SCARA5: variants seen among roughly 807,000 people sequenced by gnomAD.
SCARA5 encodes the protein scavenger receptor class A member 5.
A neutral mutation model predicts 46.3 loss-of-function variants in SCARA5; 45 were observed. That is an observed-to-expected ratio of 0.97 (90% CI 0.76 to 1.24). The LOEUF (loss-of-function observed/expected upper bound fraction) is 1.24. Ranked by LOEUF, SCARA5 falls within the 50% of genes most tolerant of loss-of-function variation. The probability of loss-of-function intolerance (pLI) is 0.00; values close to 1 mark genes in which losing one functional copy is unlikely to be tolerated. For synonymous variants in SCARA5, 333 were observed against 306.5 expected, an observed-to-expected ratio of 1.09 and a Z score of -0.90; for missense variants, 680 against 689.0, an observed-to-expected ratio of 0.99 and a Z score of 0.15.
At chr8:27,872,320 G>A (rs552529726) in intron 8 of SCARA5, among the ~76,000 whole-genome samples, 8 of 152,252 alleles carry the variant, frequency 5.3e-5, no homozygotes, top group African/African-American at 1.7e-4. Context: ...GTCAGAAGCC[G>A]GACAACCTCT....
At chr8:27,911,275 GT>G (rs1807369868) in intron 4 of SCARA5, among the ~76,000 whole-genome samples, 1 of 152,162 alleles carries the variant, frequency 6.6e-6, no homozygotes, top group African/African-American at 2.4e-5. Context: ...CATAGTGACT[GT>G]GTCCCATCTT....
intron 3 of SCARA5, among the ~76,000 whole-genome samples, chr8:27,957,460 T>C (rs1177293604): frequency 2.0e-5 from 3 of 152,218 alleles, no homozygotes; most frequent in Non-Finnish European, 4.4e-5. Context: ...TGCTCTGCTA[T>C]ACAGATGAGG....
intron 8 of SCARA5, among the ~76,000 whole-genome samples, chr8:27,875,867 A>T (rs1276112852): frequency 1.3e-5 from 2 of 152,204 alleles, no homozygotes; most frequent in Non-Finnish European, 2.9e-5. Context: ...TTGGCATAGT[A>T]GCATGTGCCT....
intron 3 of SCARA5, among the ~76,000 whole-genome samples, chr8:27,926,198 A>G (rs1807676874): frequency 6.6e-6 from 1 of 152,226 alleles, no homozygotes. Flanking sequence ...GAACCAAGCC[A>G]AATGTCCATC....
At chr8:27,959,923 T>C (rs918608878) in intron 3 of SCARA5, among the ~76,000 whole-genome samples, 16 of 152,228 alleles carry the variant, frequency 1.1e-4, no homozygotes, top group Non-Finnish European at 1.8e-4. Context: ...AATGCTGTTC[T>C]GTTCCTGTTT....
chr8:27,908,713 C>T (rs1239567416), intron 5 of SCARA5, among the ~76,000 whole-genome samples: 1 of 152,106 alleles, frequency 6.6e-6, no homozygotes, highest in Non-Finnish European at 1.5e-5. Context: ...AGCTGTGCCC[C>T]AGGCTCCCCA....
intron 3 of SCARA5, among the ~76,000 whole-genome samples, chr8:27,951,614 G>A (rs551651669): frequency 1.3e-5 from 2 of 152,316 alleles, no homozygotes; most frequent in East Asian, 1.9e-4. Flanking sequence ...GTCCTGCACG[G>A]TGCCATCAGC....
chr8:27,905,254 C>T (rs1212871056), intron 6 of SCARA5, among the ~76,000 whole-genome samples: 1 of 151,900 alleles, frequency 6.6e-6, no homozygotes, highest in Non-Finnish European at 1.5e-5. Context: ...GTGGGAGAGA[C>T]CATAAAACAT....
At chr8:27,898,099 C>T (rs1346708152) in intron 7 of SCARA5, among the ~76,000 whole-genome samples, 1 of 152,254 alleles carries the variant, frequency 6.6e-6, no homozygotes, top group Non-Finnish European at 1.5e-5. Flanking sequence ...CTGTCCCTGA[C>T]TCGCAGGCGC....
At chr8:27,959,576 CG>C (rs1261576146) in intron 3 of SCARA5, among the ~76,000 whole-genome samples, 2 of 152,118 alleles carry the variant, frequency 1.3e-5, no homozygotes, top group East Asian at 3.8e-4. Flanking sequence ...GTGTGAAGAC[CG>C]GGGCCCAAAG....
At chr8:27,933,044 T>C (rs1807801766) in intron 3 of SCARA5, among the ~76,000 whole-genome samples, 1 of 152,150 alleles carries the variant, frequency 6.6e-6, no homozygotes. Context: ...ACAGTCACAT[T>C]GGGGGTTAGG....
intron 3 of SCARA5, among the ~76,000 whole-genome samples, chr8:27,955,892 T>TG (rs1321895309): frequency 2.0e-5 from 3 of 152,014 alleles, no homozygotes; most frequent in African/African-American, 7.3e-5. Context: ...TGCATGAACA[T>TG]GGGGGGCAGG....
chr8:27,875,444 G>C (rs539650167), intron 8 of SCARA5, among the ~76,000 whole-genome samples: 1 of 152,296 alleles, frequency 6.6e-6, no homozygotes, highest in African/African-American at 2.4e-5. Flanking sequence ...CCATCTTAGG[G>C]GTGAGGGAGC....
At chr8:27,918,824 A>G (rs2129802443) in intron 4 of SCARA5, among the ~76,000 whole-genome samples, 1 of 107,556 alleles carries the variant, frequency 9.3e-6, no homozygotes, top group African/African-American at 3.5e-5. Flanking sequence ...GGAAAAGGAT[A>G]AGGAAGAAAG....
intron 4 of SCARA5, among the ~76,000 whole-genome samples, chr8:27,911,610 G>A (rs1222323556): frequency 1.3e-5 from 2 of 152,140 alleles, no homozygotes; most frequent in Non-Finnish European, 2.9e-5. Context: ...AGAATCGCCT[G>A]AATCCGGGAG....
intron 2 of SCARA5, among the ~76,000 whole-genome samples, chr8:27,985,290 G>A (rs545973178): frequency 6.6e-6 from 1 of 152,282 alleles, no homozygotes; most frequent in South Asian, 2.1e-4. Flanking sequence ...TGGACCAAGT[G>A]GGAGGGGGCA....
chr8:27,968,755 T>G (rs1179382980), intron 2 of SCARA5, among the ~76,000 whole-genome samples: 4 of 152,192 alleles, frequency 2.6e-5, no homozygotes, highest in African/African-American at 4.8e-5. Flanking sequence ...CACAGTTAAC[T>G]TCAAGTTTGC....
chr8:27,902,055 C>T (rs1807163393), intron 7 of SCARA5, among the ~76,000 whole-genome samples: 1 of 151,832 alleles, frequency 6.6e-6, no homozygotes. Context: ...GCTGTCTCTG[C>T]TCAGCCCCTT....
intron 7 of SCARA5, among the ~76,000 whole-genome samples, chr8:27,900,686 C>A (rs1309783205): frequency 1.3e-5 from 2 of 151,990 alleles, no homozygotes; most frequent in African/African-American, 4.8e-5. Context: ...GAATTCTTCA[C>A]CCACCCCTTA....
Sources: gnomAD v4.1 joint callset for allele counts (sites outside exome capture counted in the v4.1 genomes callset) on GRCh38, gnomAD v4.1.1 for gene constraint, MANE v1.5 for transcripts, NCBI Gene and HGNC (gene_info 2026-07-23, HGNC 2026-07-21) for gene names.